ANK3: variants seen among roughly 807,000 people sequenced by gnomAD.
The protein encoded by ANK3 is ankyrin 3.
ANK3 carries 57 observed loss-of-function variants against 370.9 expected under a neutral mutation model. The observed-to-expected ratio is 0.15, with a 90% CI of 0.12 to 0.19. ANK3 has a LOEUF of 0.19. Ranked by LOEUF, ANK3 falls within the 10% of genes least tolerant of loss-of-function variation. ANK3 has a pLI of 1.00. For missense variants in ANK3, 4,439 were observed against 5,302.1 expected (o/e 0.84, Z 5.06); for synonymous variants, 1,929 against 1,946.3 (o/e 0.99, Z 0.23).
chr10:60,474,405 G>A (rs543334701), intron 2 of ANK3, among the ~76,000 whole-genome samples: 33 of 152,268 alleles, frequency 2.2e-4, no homozygotes, highest in African/African-American at 7.7e-4. Flanking sequence ...AAGTCACTCT[G>A]AAGAGAAGGC....
At chr10:60,715,196 T>C (rs550310107) in intron 1 of ANK3, among the ~76,000 whole-genome samples, 1 of 141,386 alleles carries the variant, frequency 7.1e-6, no homozygotes, top group Non-Finnish European at 1.5e-5. Flanking sequence ...AATTCTATTA[T>C]ATATATTTAC....
At chr10:60,400,814 G>T (rs1269259504) in intron 2 of ANK3, among the ~76,000 whole-genome samples, 1 of 152,054 alleles carries the variant, frequency 6.6e-6, no homozygotes, top group Non-Finnish European at 1.5e-5. Flanking sequence ...CCATCACCAA[G>T]GTGTTAAGCC....
intron 2 of ANK3, among the ~76,000 whole-genome samples, chr10:60,424,508 A>C (rs1388589799): frequency 6.6e-6 from 1 of 152,070 alleles, no homozygotes. Flanking sequence ...GGTCAATTAC[A>C]CCAAACATTT....
chr10:60,207,670 T>A (rs1488590746), intron 10 of ANK3, among the ~76,000 whole-genome samples: 1 of 152,052 alleles, frequency 6.6e-6, no homozygotes, highest in South Asian at 2.1e-4. Context: ...TCAAATAGAG[T>A]TTTTTGATAA....
chr10:60,250,649 G>A (rs1190800122), intron 7 of ANK3, among the ~76,000 whole-genome samples: 4 of 152,168 alleles, frequency 2.6e-5, no homozygotes, highest in South Asian at 2.1e-4. Context: ...ACGGGCATGA[G>A]CCACCGCACC....
chr10:60,178,800 C>T (rs906778639), intron 18 of ANK3, among the ~76,000 whole-genome samples: 13 of 152,100 alleles, frequency 8.5e-5, no homozygotes, highest in Admixed American at 7.9e-4. Flanking sequence ...AAAATGCTTC[C>T]GGACATTATC....
chr10:60,058,270 G>A lies in ANK3; in HGVS notation c.12686+1070C>T, dbSNP rs187425915. ...CAAATCACAAACTACATTCCTAATG[G>A]TGGTGGGATTTGAAACTATGTCTCA... On this transcript the variant is annotated intron_variant, in intron 41 of 43. Coordinates refer to ENST00000280772, the MANE Select transcript of ANK3 (RefSeq NM_020987.5). Among the ~76,000 whole-genome samples the A allele has an allele frequency of 1.2e-4, 18 of 152,282 alleles. 1 individual carries two copies. Among genetic ancestry groups the A allele is most frequent in the Admixed American group, 1.1e-3 (17 of 15,294 alleles).
chr10:60,609,315 A>T (rs1241160220), intron 2 of ANK3, among the ~76,000 whole-genome samples: 1 of 152,084 alleles, frequency 6.6e-6, no homozygotes, highest in Non-Finnish European at 1.5e-5. Flanking sequence ...CAGAGCTCTC[A>T]CTCTGAATTA....
rs569120801 is a variant in ANK3, at chr10:60,219,622, G to A, written c.898-6112C>T. On this transcript the variant is annotated intron_variant, in intron 8 of 43. Transcript: ENST00000280772. ...GAGAGTTATTCACTTAAAACTAAGT[G>A]GCCCCAATCCCGCTGGAGAAGTTTT... is the stretch of plus-strand genomic sequence containing the variant. 2.1e-4 allele frequency among the ~76,000 whole-genome samples: 32 copies of A among 152,262 alleles called. 1 individual carries two copies. In the South Asian group the frequency reaches 6.4e-3, roughly 31 times the overall value.
At chr10:60,037,283 T>C (rs2075224481) in intron 43 of ANK3, among the ~76,000 whole-genome samples, 1 of 152,174 alleles carries the variant, frequency 6.6e-6, no homozygotes, top group Admixed American at 6.5e-5. Flanking sequence ...AAGACCAAGT[T>C]AGGTCCTTGC....
At chr10:60,080,667 C>T in intron 35 of ANK3, 49 bp from the exon 36 acceptor site, 1 of 1,382,860 alleles carries the variant, frequency 7.2e-7, no homozygotes, top group Middle Eastern at 1.8e-4. Context: ...TTCCCTGTGA[C>T]ATCTTCAGTT....
At chr10:60,299,805 A>G (rs1028729134) in intron 1 of ANK3, among the ~76,000 whole-genome samples, 3 of 152,236 alleles carry the variant, frequency 2.0e-5, no homozygotes, top group African/African-American at 7.2e-5. Context: ...AAATAAAATT[A>G]CATTTTCCAA....
chr10:60,265,979 A>G (rs1369831180), intron 5 of ANK3, among the ~76,000 whole-genome samples: 1 of 152,014 alleles, frequency 6.6e-6, no homozygotes, highest in East Asian at 1.9e-4. Context: ...TCTTTTCTCT[A>G]TGTATACAAA....
At chr10:60,067,637 T>C (rs1193274008) in intron 38 of ANK3, among the ~76,000 whole-genome samples, 1 of 152,204 alleles carries the variant, frequency 6.6e-6, no homozygotes, top group African/African-American at 2.4e-5. Flanking sequence ...AAATTTGCTA[T>C]TCAGTAGAAG....
intron 1 of ANK3, among the ~76,000 whole-genome samples, chr10:60,321,841 A>T (rs78116809): frequency 6.6e-6 from 1 of 152,108 alleles, no homozygotes; most frequent in African/African-American, 2.4e-5. Context: ...ACAGTAATTC[A>T]CTTAAAGTGA....
At chr10:60,116,375 T>G (rs758343425) in intron 25 of ANK3, among the ~76,000 whole-genome samples, 4 of 152,058 alleles carry the variant, frequency 2.6e-5, no homozygotes, top group Admixed American at 1.3e-4. Flanking sequence ...CTCTACACCA[T>G]ACAGAGAGCT....
chr10:60,428,606 T>C (rs2063943648), intron 2 of ANK3, among the ~76,000 whole-genome samples: 2 of 152,152 alleles, frequency 1.3e-5, no homozygotes. Context: ...TCAAGCAACA[T>C]TTGTTTTTAG....
At chr10:60,484,077 T>G (rs1392629809) in intron 2 of ANK3, among the ~76,000 whole-genome samples, 1 of 152,128 alleles carries the variant, frequency 6.6e-6, no homozygotes, top group Non-Finnish European at 1.5e-5. Context: ...TAAATGAAGA[T>G]AAGCAATAAT....
intron 1 of ANK3, among the ~76,000 whole-genome samples, chr10:60,367,268 G>C (rs2059512193): frequency 6.6e-6 from 1 of 152,156 alleles, no homozygotes; most frequent in Non-Finnish European, 1.5e-5. Flanking sequence ...GCTCCTAAAA[G>C]AGTTTGTTTA....
Sources: gnomAD v4.1 joint callset for allele counts (sites outside exome capture counted in the v4.1 genomes callset) on GRCh38, gnomAD v4.1.1 for gene constraint, MANE v1.5 for transcripts, NCBI Gene and HGNC (gene_info 2026-07-23, HGNC 2026-07-21) for gene names.